DRAXIN: variants seen among roughly 807,000 people sequenced by gnomAD.
The protein encoded by DRAXIN is dorsal repulsive axon guidance protein.
DRAXIN carries 27 observed loss-of-function variants against 33.9 expected under a neutral mutation model. That is an observed-to-expected ratio of 0.80 (90% CI 0.59 to 1.10). DRAXIN has a LOEUF of 1.10. Ranked by LOEUF, DRAXIN falls within the 50% of genes least tolerant of loss-of-function variation. The pLI is 0.00. For missense variants in DRAXIN, 371 were observed against 460.8 expected (o/e 0.81, Z 1.78); for synonymous variants, 178 against 194.0 (o/e 0.92, Z 0.69).
chr1:11,698,875 C>T (rs1481146036), intron 1 of DRAXIN, among the ~76,000 whole-genome samples: 1 of 152,128 alleles, frequency 6.6e-6, no homozygotes, highest in Non-Finnish European at 1.5e-5. Flanking sequence ...AAAAAGCAAT[C>T]GTAAAATCTT....
chr1:11,724,661 G>A lies in DRAXIN; in HGVS notation c.*4965G>A, dbSNP rs1641714325. 6.6e-6 allele frequency: 1 copy of A among 152,288 alleles called. No individual in the cohort carries two copies. Among genetic ancestry groups the A allele is most frequent in the Admixed American group, 6.5e-5 (1 of 15,286 alleles). 9.4% of individuals were successfully genotyped at this position (152,288 alleles called of 1,614,324 possible). On this transcript the variant is annotated 3_prime_UTR_variant, in exon 7 of 7. Transcript: ENST00000294485. Reference sequence around the variant, plus strand: ...GTGGTGGGCACACGGCCCCTGCCGTGGGGCTCACTCTGCAGCTGGAGAGAC... The same window carrying A: ...GTGGTGGGCACACGGCCCCTGCCGTAGGGCTCACTCTGCAGCTGGAGAGAC...
rs769534994 is a variant in DRAXIN at position 11,706,433 on chromosome 1, C to T, written c.175C>T (p.Arg59Trp). Residue 59 changes from arginine to tryptophan, a missense_variant, in exon 2 of 7, where the codon CGG (arginine) becomes TGG (tryptophan). By Grantham distance (101) the Arg-to-Trp change is moderately radical (BLOSUM62 -3). Transcript: ENST00000294485. This position sits in a 1 kb window ranked among gnomAD's most constrained non-coding sequence, Gnocchi z 5.5. ...GACGCCTCAGGCCAGCCACCACCGC[C>T]GGCGGGGCCCGGGCAAGAAGGAGTG... Reference protein sequence around the residue: ...LWTPQASHHRRRGPGKKEWGP... With the variant: ...LWTPQASHHRWRGPGKKEWGP... The T allele has an allele frequency of 1.4e-5, 22 of 1,611,614 alleles. No individual in the cohort carries two copies. Among genetic ancestry groups the T allele is most frequent in the South Asian group, 4.4e-5 (4 of 90,940 alleles).
intron 6 of DRAXIN, 141 bp from the exon 7 acceptor site, chr1:11,719,443 T>C: frequency 1.4e-6 from 1 of 692,384 alleles, no homozygotes; most frequent in Non-Finnish European, 2.5e-6. Context: ...TTAAGCTCAT[T>C]GGGGCTGCCG....
rs1028080049 is a variant in DRAXIN at position 11,724,270 on chromosome 1, G to A, written c.*4574G>A. ...TCTAAAATGATACCCTGGGTGGAGT[G>A]GGGGAGCTGAGCAGGAGGCCAGGTG... On this transcript the variant is annotated 3_prime_UTR_variant, in exon 7 of 7. Transcript: ENST00000294485. 12 of 152,288 alleles carry A rather than the reference G, an allele frequency of 7.9e-5. No homozygotes were observed. The highest frequency in any genetic ancestry group is 1.2e-4 in the Non-Finnish European group (8 of 68,110). The allele number at this position is 152,288 out of a possible 1,614,324, so 9.4% of individuals were successfully genotyped here.
At chr1:11,690,344 T>G (rs1442941670), upstream of DRAXIN, among the ~76,000 whole-genome samples, 1 of 152,182 alleles carries the variant, frequency 6.6e-6, no homozygotes. The surrounding 1 kb of genome is among the most constrained non-coding windows in gnomAD (Gnocchi z 4.2). Flanking sequence ...TCCATCCTGG[T>G]GCCCACCAAG....
upstream of DRAXIN, among the ~76,000 whole-genome samples, chr1:11,690,779 G>A (rs547611948): frequency 4.6e-5 from 7 of 152,136 alleles, no homozygotes; most frequent in South Asian, 1.2e-3. The surrounding 1 kb of genome is among the most constrained non-coding windows in gnomAD (Gnocchi z 4.2). Context: ...CCATAACCCA[G>A]CATTCTCAGA....
At chr1:11,701,018 G>A (rs1162916073) in intron 1 of DRAXIN, among the ~76,000 whole-genome samples, 1 of 152,176 alleles carries the variant, frequency 6.6e-6, no homozygotes, top group Non-Finnish European at 1.5e-5. Flanking sequence ...CTGACTCCAG[G>A]CTCGATTCAT....
intron 6 of DRAXIN, among the ~76,000 whole-genome samples, chr1:11,718,177 G>A (rs1185984746): frequency 6.6e-6 from 1 of 150,508 alleles, no homozygotes; most frequent in Non-Finnish European, 1.5e-5. Context: ...TTAGCTGGGT[G>A]TGGTGGCGCA....
At position 11,706,809 on chromosome 1, in the gene DRAXIN, A is replaced by G; in HGVS notation, c.451+100A>G. The G allele has an allele frequency of 7.6e-7, 1 of 1,314,846 alleles. No homozygotes were observed. Among genetic ancestry groups the G allele is most frequent in the Non-Finnish European group, 1.0e-6 (1 of 986,870 alleles). The allele number at this position is 1,314,846 out of a possible 1,614,324, so 81.4% of individuals were successfully genotyped here. On this transcript the variant is annotated intron_variant, in intron 2 of 6. Transcript: ENST00000294485. This position sits in a 1 kb window ranked among gnomAD's most constrained non-coding sequence, Gnocchi z 5.5. The stretch of plus-strand genomic sequence containing the variant: ...GGCAAGGGTCAGGGGCATGAGGTCC[A>G]GAGGAGAGGAGGGGTCTCACTGAAG...
intron 3 of DRAXIN, 23 bp from the exon 4 acceptor site, chr1:11,711,828 T>TC: frequency 6.3e-7 from 1 of 1,595,310 alleles, no homozygotes; most frequent in Non-Finnish European, 8.6e-7. Flanking sequence ...GGTTCCAACA[T>TC]CCCCCTTCTC....
chr1:11,706,374 A>C lies in DRAXIN; in HGVS notation c.116A>C (p.Glu39Ala). Residue 39 changes from glutamate to alanine, a missense_variant, in exon 2 of 7, where the codon GAG (glutamate) becomes GCG (alanine). Coordinates refer to ENST00000294485, the MANE Select transcript of DRAXIN (RefSeq NM_198545.4). This position sits in a 1 kb window ranked among gnomAD's most constrained non-coding sequence, Gnocchi z 5.5. ...GGGACCCCTGCCCGGAACCTCCCTG[A>C]GAATCACATTGACCTCCCAGGCCCA... Reference protein sequence around the residue: ...APGTPARNLPENHIDLPGPAL... With the variant: ...APGTPARNLPANHIDLPGPAL... 6.2e-7 allele frequency: 1 copy of C among 1,613,852 alleles called. No homozygotes were observed.
chr1:11,713,564 G>A (rs897520555), intron 5 of DRAXIN, among the ~76,000 whole-genome samples: 3 of 152,130 alleles, frequency 2.0e-5, no homozygotes, highest in Admixed American at 2.0e-4. Context: ...GGGGTCCGTC[G>A]GACCTTCCAG....
chr1:11,712,350 C>A lies in DRAXIN; in HGVS notation c.768C>A (p.Arg256=), dbSNP rs137862674. Residue 256 remains arginine, a synonymous_variant, in exon 5 of 7, where the codon CGC becomes CGA. Coordinates refer to ENST00000294485, the MANE Select transcript of DRAXIN (RefSeq NM_198545.4). ...WPSAKKKEKH[R]GKLSSDGNET... Reference sequence around the variant, plus strand: ...TCTTCTTATCCCCAGAGAAACACCGCGGTAAACTCTCCAGTGATGGTAACG... The same window carrying A: ...TCTTCTTATCCCCAGAGAAACACCGAGGTAAACTCTCCAGTGATGGTAACG... The A allele has an allele frequency of 1.5e-4, 247 of 1,613,928 alleles. No individual in the cohort carries two copies. Among genetic ancestry groups the A allele is most frequent in the Non-Finnish European group, 2.0e-4 (238 of 1,180,004 alleles).
In DRAXIN at chr1:11,718,000, C is replaced by CAAAA. The variant is rs57704802; in HGVS notation, c.938-1570_938-1567dup. The stretch of plus-strand genomic sequence containing the variant: ...CAGGCAACAGAGCAAGACCCTGTCT[C>CAAAA]AAAAAAAAAAAAAAAAAGGGAGGCC... On this transcript the variant is annotated intron_variant, in intron 6 of 6. Coordinates refer to ENST00000294485, the MANE Select transcript of DRAXIN (RefSeq NM_198545.4). 4.9e-3 allele frequency among the ~76,000 whole-genome samples: 394 copies of CAAAA among 80,870 alleles called. 18 individuals are homozygous for CAAAA. Among genetic ancestry groups the CAAAA allele is most frequent in the African/African-American group, 0.022 (363 of 16,258 alleles). 53.1% of individuals were successfully genotyped at this position (80,870 alleles called of 152,430 possible).
intron 6 of DRAXIN, among the ~76,000 whole-genome samples, chr1:11,717,272 G>C (rs1424322939): frequency 6.6e-6 from 1 of 151,846 alleles, no homozygotes; most frequent in Non-Finnish European, 1.5e-5. Context: ...GACTGAGTGA[G>C]ACTCTGTCTC....
rs988327049 is a variant in DRAXIN at position 11,722,228 on chromosome 1, G to A, written c.*2532G>A. The A allele has an allele frequency of 6.6e-6, 1 of 152,262 alleles. No homozygotes were observed. Among genetic ancestry groups the A allele is most frequent in the African/African-American group, 2.4e-5 (1 of 41,458 alleles). The allele number at this position is 152,262 out of a possible 1,614,324, so 9.4% of individuals were successfully genotyped here. A position where few individuals can be genotyped will look rare whatever the true frequency, so the allele number is the denominator to read the frequency against. On this transcript the variant is annotated 3_prime_UTR_variant, in exon 7 of 7. Transcript: ENST00000294485. ...TGCCTCACATTAAGTGGTGACTCGG[G>A]ACTGTGCTGGCTCTGTGGGGCTAGA...
rs918500459 is a variant in DRAXIN, at chr1:11,692,141, C to A, written c.-11+288C>A. Among the ~76,000 whole-genome samples the A allele has an allele frequency of 7.2e-5, 11 of 152,116 alleles. No individual in the cohort carries two copies. In the East Asian group the frequency reaches 2.0e-3, roughly 27 times the overall value. Reference sequence around the variant, plus strand: ...CACTTTTCCACGCTCTGACACTCGGCCTCGCGCGCGCCCTCGCCGCCCTCT... The same window carrying A: ...CACTTTTCCACGCTCTGACACTCGGACTCGCGCGCGCCCTCGCCGCCCTCT... On this transcript the variant is annotated intron_variant, in intron 1 of 6. Transcript: ENST00000294485. The surrounding 1 kb of genome is among the most constrained non-coding windows in gnomAD (Gnocchi z 5.8).
chr1:11,711,522 G>A (rs1641495447), intron 3 of DRAXIN, among the ~76,000 whole-genome samples: 1 of 152,228 alleles, frequency 6.6e-6, no homozygotes, highest in South Asian at 2.1e-4. Context: ...CCTCCTCGTG[G>A]GCTTAAAGAC....
chr1:11,697,060 C>A (rs991181870), intron 1 of DRAXIN, among the ~76,000 whole-genome samples: 9 of 127,766 alleles, frequency 7.0e-5, no homozygotes, highest in East Asian at 2.4e-4. Flanking sequence ...AAAAAAAAAA[C>A]AACTTTTACT....
Sources: gnomAD v4.1 joint callset for allele counts (sites outside exome capture counted in the v4.1 genomes callset) on GRCh38, gnomAD v4.1.1 for gene constraint, Gnocchi (gnomAD v3.1) non-coding constraint, MANE v1.5 for transcripts, NCBI Gene and HGNC (gene_info 2026-07-23, HGNC 2026-07-21) for gene names.